SLC35F1: variants seen among roughly 807,000 people sequenced by gnomAD.
The protein encoded by SLC35F1 is chromosome 6 open reading frame 169.
A neutral mutation model predicts 48.7 loss-of-function variants in SLC35F1; 14 were observed. That is an observed-to-expected ratio of 0.29 (90% CI 0.19 to 0.45). The LOEUF (loss-of-function observed/expected upper bound fraction) is 0.45, where lower values mean the gene tolerates loss of function less well. Ranked by LOEUF, SLC35F1 falls within the 20% of genes least tolerant of loss-of-function variation. The probability of loss-of-function intolerance (pLI) is 1.00; values close to 1 mark genes in which losing one functional copy is unlikely to be tolerated. For missense variants in SLC35F1, 404 were observed against 500.0 expected (o/e 0.81, Z 1.83); for synonymous variants, 190 against 202.2 (o/e 0.94, Z 0.51).
chr6:118,258,037 A>G (rs1343481569), intron 3 of SLC35F1, among the ~76,000 whole-genome samples: 1 of 152,170 alleles, frequency 6.6e-6, no homozygotes, highest in African/African-American at 2.4e-5. Context: ...TAATTATTTG[A>G]ACAGGTAAAA....
chr6:118,300,888 T>G (rs940525957), intron 7 of SLC35F1, among the ~76,000 whole-genome samples: 1 of 152,216 alleles, frequency 6.6e-6, no homozygotes. Context: ...TTAATTAGAA[T>G]GTACATGTTG....
intron 1 of SLC35F1, among the ~76,000 whole-genome samples, chr6:118,046,469 A>G (rs1022762566): frequency 1.7e-4 from 26 of 152,188 alleles, no homozygotes; most frequent in Non-Finnish European, 2.5e-4. Flanking sequence ...AAAGAGAAGC[A>G]TGGAAATTTG....
At chr6:118,208,264 A>C (rs952704998) in intron 2 of SLC35F1, among the ~76,000 whole-genome samples, 1 of 152,112 alleles carries the variant, frequency 6.6e-6, no homozygotes, top group Non-Finnish European at 1.5e-5. Context: ...GGTACCCTCC[A>C]CTTAGCCAGG....
intron 2 of SLC35F1, among the ~76,000 whole-genome samples, chr6:118,208,101 G>GCACA (rs780946291): frequency 7.0e-6 from 1 of 141,848 alleles, no homozygotes; most frequent in Non-Finnish European, 1.5e-5. Context: ...ACACATGCAC[G>GCACA]CACACACACG....
intron 4 of SLC35F1, among the ~76,000 whole-genome samples, chr6:118,273,512 G>T (rs1383924953): frequency 1.3e-5 from 2 of 152,002 alleles, no homozygotes; most frequent in Non-Finnish European, 2.9e-5. Context: ...TGAAGAGACT[G>T]GATCATGTTC....
chr6:118,237,077 A>AT (rs1334525687), intron 3 of SLC35F1, among the ~76,000 whole-genome samples: 3 of 152,258 alleles, frequency 2.0e-5, no homozygotes, highest in African/African-American at 7.2e-5. Flanking sequence ...GTTAAAAAAT[A>AT]TATTGGGGGA....
At position 118,110,521 on chromosome 6, in the gene SLC35F1, T is replaced by G. The variant is rs543300830; in HGVS notation, c.174-43924T>G. On this transcript the variant is annotated intron_variant, in intron 1 of 7. Coordinates refer to ENST00000360388, the MANE Select transcript of SLC35F1 (RefSeq NM_001029858.4). Reference sequence around the variant, plus strand: ...CTAACAGTTTCTGCTAATTTTTTATTGAGAGCCAGACATAATGTATCAGAC... The same window carrying G: ...CTAACAGTTTCTGCTAATTTTTTATGGAGAGCCAGACATAATGTATCAGAC... Among the ~76,000 whole-genome samples, 15 of 152,232 alleles carry G rather than the reference T, an allele frequency of 9.9e-5. 1 individual carries two copies. The highest frequency in any genetic ancestry group is 3.6e-4 in the African/African-American group (15 of 41,542).
chr6:118,225,440 G>A (rs1775203153), intron 2 of SLC35F1, among the ~76,000 whole-genome samples: 1 of 152,180 alleles, frequency 6.6e-6, no homozygotes, highest in Non-Finnish European at 1.5e-5. Flanking sequence ...TTAACCATAT[G>A]CAGAAGAGGG....
chr6:118,139,239 A>T (rs2114438594), intron 1 of SLC35F1, among the ~76,000 whole-genome samples: 2 of 152,170 alleles, frequency 1.3e-5, no homozygotes, highest in South Asian at 4.2e-4. Context: ...CAGCCTCCCG[A>T]GTAGCTGGGA....
chr6:117,926,196 C>T (rs936192690), intron 1 of SLC35F1, among the ~76,000 whole-genome samples: 3 of 152,036 alleles, frequency 2.0e-5, no homozygotes, highest in Non-Finnish European at 4.4e-5. Flanking sequence ...GGGTGGTTTC[C>T]GCCATGCTGT....
intron 1 of SLC35F1, among the ~76,000 whole-genome samples, chr6:117,980,401 A>T (rs771282132): frequency 3.3e-5 from 5 of 152,188 alleles, no homozygotes; most frequent in Non-Finnish European, 7.3e-5. Context: ...GAATTACAAG[A>T]ATTAGGTTGA....
In SLC35F1 at chr6:117,986,737, A is replaced by G. The variant is rs139992580; in HGVS notation, c.173+78838A>G. Among the ~76,000 whole-genome samples, 6 of 152,348 alleles carry G rather than the reference A, an allele frequency of 3.9e-5. No homozygotes were observed. The East Asian group carries it at 1.2e-3, about 29-fold the overall frequency. ...GAATTTTGAAAGATGAGGAATCAGT[A>G]TATTTACCTCACTTGTTAAATGTGA... On this transcript the variant is annotated intron_variant, in intron 1 of 7. Transcript: ENST00000360388.
intron 7 of SLC35F1, among the ~76,000 whole-genome samples, chr6:118,297,741 A>AAT (rs909678608): frequency 5.1e-5 from 5 of 97,888 alleles, no homozygotes; most frequent in African/African-American, 2.0e-4. Context: ...AGTTCTGAGA[A>AAT]ATATATATAT....
At chr6:118,048,276 C>A (rs1311691563) in intron 1 of SLC35F1, among the ~76,000 whole-genome samples, 1 of 151,998 alleles carries the variant, frequency 6.6e-6, no homozygotes, top group Non-Finnish European at 1.5e-5. Flanking sequence ...CTGCTGGATT[C>A]GGTTTGCCAG....
intron 1 of SLC35F1, among the ~76,000 whole-genome samples, chr6:118,039,270 T>G (rs79923744): frequency 6.6e-6 from 1 of 151,950 alleles, no homozygotes; most frequent in South Asian, 2.1e-4. Flanking sequence ...CTCTAGTTCA[T>G]GTCAAGATTT....
At chr6:117,962,755 C>T (rs180888091) in intron 1 of SLC35F1, among the ~76,000 whole-genome samples, 2 of 152,318 alleles carry the variant, frequency 1.3e-5, no homozygotes, top group African/African-American at 2.4e-5. Flanking sequence ...TCATTGTGTA[C>T]TTGCTGGAGA....
At chr6:118,052,951 C>T (rs943191976) in intron 1 of SLC35F1, among the ~76,000 whole-genome samples, 1 of 151,954 alleles carries the variant, frequency 6.6e-6, no homozygotes, top group Non-Finnish European at 1.5e-5. Flanking sequence ...GAGTGTTTGT[C>T]CTGTTCTCAA....
intron 1 of SLC35F1, among the ~76,000 whole-genome samples, chr6:117,966,281 C>A (rs1291910665): frequency 6.6e-6 from 1 of 152,182 alleles, no homozygotes; most frequent in Non-Finnish European, 1.5e-5. Flanking sequence ...TGAGATGTAA[C>A]ACTCACGGCA....
At chr6:118,082,830 A>T (rs994173979) in intron 1 of SLC35F1, among the ~76,000 whole-genome samples, 10 of 152,296 alleles carry the variant, frequency 6.6e-5, no homozygotes, top group African/African-American at 2.4e-4. Context: ...GCATAGTCCA[A>T]ATCTCAGGGA....
Sources: allele counts gnomAD v4.1 joint callset (sites outside exome capture counted in the v4.1 genomes callset), GRCh38; gene constraint gnomAD v4.1.1; transcripts MANE v1.5; gene names NCBI Gene and HGNC (gene_info 2026-07-23, HGNC 2026-07-21).